The following RABGAP1L variants were observed in gnomAD, a reference collection of about 807,000 sequenced individuals.
RABGAP1L encodes the protein rab GTPase-activating protein 1-like.
A neutral mutation model predicts 137.7 loss-of-function variants in RABGAP1L; 63 were observed. The observed-to-expected ratio is 0.46, with a 90% CI of 0.37 to 0.56. RABGAP1L has a LOEUF of 0.56. Among genes scored for constraint, RABGAP1L ranks in the 20% least tolerant of loss-of-function variants. RABGAP1L has a pLI of 0.00. For missense variants in RABGAP1L, 1,095 were observed against 1,244.0 expected (o/e 0.88, Z 1.80); for synonymous variants, 431 against 433.7 (o/e 0.99, Z 0.08).
At chr1:174,909,762 C>G (rs1182497164) in intron 19 of RABGAP1L, among the ~76,000 whole-genome samples, 1 of 152,064 alleles carries the variant, frequency 6.6e-6, no homozygotes, top group Non-Finnish European at 1.5e-5. Flanking sequence ...ACCTGGAAAA[C>G]CTAGAAGTGG....
At chr1:174,402,883 T>C (rs187521290) in intron 13 of RABGAP1L, among the ~76,000 whole-genome samples, 38 of 152,254 alleles carry the variant, frequency 2.5e-4, no homozygotes, top group Non-Finnish European at 2.1e-4. Context: ...ATTGTGTATG[T>C]TTTAGGGCAA....
intron 24 of RABGAP1L, 27 bp from the exon 25 acceptor site, chr1:174,988,614 G>T: frequency 6.8e-7 from 1 of 1,466,190 alleles, no homozygotes; most frequent in Non-Finnish European, 9.0e-7. Flanking sequence ...ATAGTTTGAT[G>T]TTGGTTATCT....
chr1:174,741,365 G>GT (rs1558036053), intron 17 of RABGAP1L, among the ~76,000 whole-genome samples: 1 of 151,938 alleles, frequency 6.6e-6, no homozygotes, highest in South Asian at 2.1e-4. Context: ...TTTGTTGTTT[G>GT]TTTTTGTGTT....
intron 19 of RABGAP1L, chr1:174,935,098 T>C (rs1318894825): frequency 6.6e-6 from 1 of 152,222 alleles, no homozygotes; most frequent in Non-Finnish European, 1.5e-5. Flanking sequence ...TCCTTTAGCT[T>C]TTCTGTCAGC....
intron 17 of RABGAP1L, among the ~76,000 whole-genome samples, chr1:174,735,769 G>A (rs1027179090): frequency 1.3e-5 from 2 of 152,092 alleles, no homozygotes; most frequent in Non-Finnish European, 2.9e-5. Flanking sequence ...AATCATAGTG[G>A]AAGGTGAAGA....
intron 15 of RABGAP1L, among the ~76,000 whole-genome samples, chr1:174,687,127 C>T (rs1049730067): frequency 6.6e-6 from 1 of 152,136 alleles, no homozygotes. Context: ...TATTTGGAAA[C>T]ACCCTCCCCA....
intron 13 of RABGAP1L, among the ~76,000 whole-genome samples, chr1:174,587,060 C>G (rs910689704): frequency 6.6e-6 from 1 of 151,134 alleles, no homozygotes. Context: ...CATCCATGTC[C>G]CTACAAAGGA....
intron 19 of RABGAP1L, among the ~76,000 whole-genome samples, chr1:174,880,915 T>G (rs973029851): frequency 3.3e-5 from 5 of 152,010 alleles, no homozygotes; most frequent in African/African-American, 1.2e-4. Flanking sequence ...CTGAGCTGAG[T>G]CTTCAAAAAC....
chr1:174,508,909 G>GA lies in RABGAP1L; in HGVS notation c.1710+114772dup, dbSNP rs1299963812. Among the ~76,000 whole-genome samples, 15 of 151,586 alleles carry GA rather than the reference G, an allele frequency of 9.9e-5. No homozygotes were observed. In the South Asian group the frequency reaches 1.0e-3, roughly 10 times the overall value. Reference sequence around the variant, plus strand: ...CTGTTGTGTTCATTTAGCTAGAAATGAAAAAAAACCCAGCACACCTGCATT... The same window carrying GA: ...CTGTTGTGTTCATTTAGCTAGAAATGAAAAAAAAACCCAGCACACCTGCATT... On this transcript the variant is annotated intron_variant, in intron 13 of 25. Coordinates refer to ENST00000681986, the MANE Select transcript of RABGAP1L (RefSeq NM_001366446.1).
chr1:174,762,900 C>T (rs1474269527), intron 18 of RABGAP1L, among the ~76,000 whole-genome samples: 1 of 149,994 alleles, frequency 6.7e-6, no homozygotes, highest in African/African-American at 2.5e-5. Context: ...CTGGAACCTC[C>T]ACCTCCCAGG....
At chr1:174,338,055 G>A (rs985951090) in intron 11 of RABGAP1L, among the ~76,000 whole-genome samples, 6 of 152,054 alleles carry the variant, frequency 3.9e-5, no homozygotes, top group Admixed American at 1.3e-4. Flanking sequence ...CTAATTAAGG[G>A]TATTATTTGG....
chr1:174,298,538 A>G (rs1396151156), intron 10 of RABGAP1L, among the ~76,000 whole-genome samples: 2 of 152,052 alleles, frequency 1.3e-5, no homozygotes, highest in Non-Finnish European at 2.9e-5. Flanking sequence ...TTCAGATCCA[A>G]TTTTCTTTCC....
At chr1:174,890,760 T>G (rs1182964041) in intron 19 of RABGAP1L, among the ~76,000 whole-genome samples, 1 of 152,224 alleles carries the variant, frequency 6.6e-6, no homozygotes, top group Non-Finnish European at 1.5e-5. Context: ...ACTTTGCTTT[T>G]CTCACTTAAC....
At chr1:174,598,833 C>CT (rs1244329752) in intron 13 of RABGAP1L, among the ~76,000 whole-genome samples, 2 of 151,298 alleles carry the variant, frequency 1.3e-5, no homozygotes, top group Non-Finnish European at 3.0e-5. Context: ...ATCATTGGGT[C>CT]TTTTTTTTAT....
chr1:174,521,940 G>A (rs1268128784), intron 13 of RABGAP1L, among the ~76,000 whole-genome samples: 1 of 152,066 alleles, frequency 6.6e-6, no homozygotes, highest in African/African-American at 2.4e-5. Context: ...TTAGCCAGAT[G>A]TGGTGGTGCG....
chr1:174,843,145 C>A (rs996491694), intron 19 of RABGAP1L, among the ~76,000 whole-genome samples: 7 of 151,804 alleles, frequency 4.6e-5, no homozygotes, highest in Non-Finnish European at 1.0e-4. Context: ...GTAATTTTTT[C>A]CTCTGTGCCT....
At chr1:174,423,977 C>G (rs1016939075) in intron 13 of RABGAP1L, among the ~76,000 whole-genome samples, 2 of 152,058 alleles carry the variant, frequency 1.3e-5, no homozygotes, top group Non-Finnish European at 2.9e-5. Flanking sequence ...AGTTAGCCCC[C>G]TTGTTTCTAA....
intron 1 of RABGAP1L, among the ~76,000 whole-genome samples, chr1:174,193,853 A>G (rs991892203): frequency 2.0e-5 from 3 of 152,222 alleles, no homozygotes; most frequent in African/African-American, 7.2e-5. Flanking sequence ...ATATTTTGAT[A>G]TACATATACA....
chr1:174,990,083 G>A lies in RABGAP1L; in HGVS notation c.*82G>A, dbSNP rs1456454035. 1.4e-6 allele frequency: 2 copies of A among 1,407,356 alleles called. No homozygotes were observed. Among genetic ancestry groups the A allele is most frequent in the African/African-American group, 1.5e-5 (1 of 68,894 alleles). 87.2% of individuals were successfully genotyped at this position (1,407,356 alleles called of 1,614,324 possible). On this transcript the variant is annotated 3_prime_UTR_variant, in exon 26 of 26. Coordinates refer to ENST00000681986, the MANE Select transcript of RABGAP1L (RefSeq NM_001366446.1). ...GATTCTTCCTGGTGTCCCTTTGAAG[G>A]AAAGTCAAGGAGGCCAGAAAACAAG...
Sources: gnomAD v4.1 joint callset for allele counts (sites outside exome capture counted in the v4.1 genomes callset) on GRCh38, gnomAD v4.1.1 for gene constraint, MANE v1.5 for transcripts, NCBI Gene and HGNC (gene_info 2026-07-23, HGNC 2026-07-21) for gene names.